The following UNC5D variants were observed in gnomAD, a reference collection of about 807,000 sequenced individuals.
The protein encoded by UNC5D is netrin receptor UNC5D.
Under a neutral mutation model 105.4 loss-of-function variants are expected in UNC5D, and 39 were observed. The ratio of observed to expected loss-of-function variants is 0.37; its 90% CI spans 0.29 to 0.48. UNC5D has a LOEUF of 0.48. Among genes scored for constraint, UNC5D ranks in the 20% least tolerant of loss-of-function variants. UNC5D has a pLI of 0.98. For synonymous variants in UNC5D, 452 were observed against 450.4 expected, an observed-to-expected ratio of 1.00 and a Z score of -0.04; for missense variants, 991 against 1,202.4, an observed-to-expected ratio of 0.82 and a Z score of 2.60.
chr8:35,422,569 C>A (rs1400698974), intron 1 of UNC5D, among the ~76,000 whole-genome samples: 2 of 152,184 alleles, frequency 1.3e-5, no homozygotes, highest in African/African-American at 4.8e-5. Context: ...GCTAAAATTC[C>A]ATTTCTCTAC....
chr8:35,574,538 T>C (rs912810500), intron 3 of UNC5D, among the ~76,000 whole-genome samples: 1 of 152,174 alleles, frequency 6.6e-6, no homozygotes, highest in Non-Finnish European at 1.5e-5. Flanking sequence ...AAAGAAGTAT[T>C]ATTTTCATTT....
chr8:35,454,097 C>T (rs902193035), intron 1 of UNC5D, among the ~76,000 whole-genome samples: 7 of 152,166 alleles, frequency 4.6e-5, no homozygotes, highest in African/African-American at 1.4e-4. Context: ...AACGTGTAAT[C>T]TACCAACCTG....
At chr8:35,723,557 A>C (rs1321007910) in intron 9 of UNC5D, among the ~76,000 whole-genome samples, 1 of 152,002 alleles carries the variant, frequency 6.6e-6, no homozygotes, top group African/African-American at 2.4e-5. Flanking sequence ...CACCACACCA[A>C]GCTAAGTTTT....
Position 35,767,010 on chromosome 8 carries a change from A to T in UNC5D, c.2422A>T (p.Ile808Phe). 6.2e-7 allele frequency: 1 copy of T among 1,614,036 alleles called. No individual in the cohort carries two copies. The highest frequency in any genetic ancestry group is 8.5e-7 in the Non-Finnish European group (1 of 1,179,946). Residue 808 changes from isoleucine (I) to phenylalanine (F), a missense_variant, in exon 15 of 17, where the codon ATT becomes TTT. Around this residue, in one of 3 missense-constraint regions of UNC5D, gnomAD observed 944 missense variants for 1,131.6 expected, o/e 0.83. Coordinates refer to ENST00000404895, the MANE Select transcript of UNC5D (RefSeq NM_080872.4). ...CACCCAGCTGTCCTGCAAAATCTGC[A>T]TTCGGCAGCTCAAAGGCCATGAACA... The part of the protein sequence containing the change: ...TTTQLSCKIC[I>F]RQLKGHEQIL...
In UNC5D at chr8:35,269,795, G is replaced by C. The variant is rs77691490; in HGVS notation, c.103+33908G>C. ...TGACCCAGTGAAGCAGGTCCTTTAG[G>C]AGACTATGTTTACAGGGATTAAGCA... On this transcript the variant is annotated intron_variant, in intron 1 of 16. Transcript: ENST00000404895. 7.2e-5 allele frequency among the ~76,000 whole-genome samples: 11 copies of C among 152,148 alleles called. No homozygotes were observed. In the East Asian group the frequency reaches 2.1e-3, roughly 30 times the overall value.
At chr8:35,329,885 C>T (rs572597932) in intron 1 of UNC5D, among the ~76,000 whole-genome samples, 2 of 152,236 alleles carry the variant, frequency 1.3e-5, no homozygotes, top group African/African-American at 4.8e-5. Flanking sequence ...ATGGGCAATG[C>T]TTTATTCAAC....
chr8:35,381,941 A>G (rs2128933115), intron 1 of UNC5D, among the ~76,000 whole-genome samples: 1 of 152,222 alleles, frequency 6.6e-6, no homozygotes, highest in East Asian at 1.9e-4. Context: ...ATTAACTTAA[A>G]AAGTGAGAAG....
chr8:35,459,879 C>T (rs879395356), intron 1 of UNC5D, among the ~76,000 whole-genome samples: 2 of 152,122 alleles, frequency 1.3e-5, no homozygotes, highest in Non-Finnish European at 2.9e-5. Context: ...AACTGAAAAA[C>T]ATTTGCATGA....
At chr8:35,575,856 C>G (rs1818052969) in intron 3 of UNC5D, among the ~76,000 whole-genome samples, 1 of 151,990 alleles carries the variant, frequency 6.6e-6, no homozygotes, top group South Asian at 2.1e-4. Context: ...GTGCATCTAG[C>G]CAAGTAATCG....
intron 4 of UNC5D, among the ~76,000 whole-genome samples, chr8:35,644,752 T>C (rs894230168): frequency 2.0e-5 from 3 of 152,264 alleles, no homozygotes; most frequent in Admixed American, 2.0e-4. Context: ...GAAAGTTCTT[T>C]TCTGATCATC....
intron 1 of UNC5D, among the ~76,000 whole-genome samples, chr8:35,524,649 A>AG (rs1430166301): frequency 1.6e-4 from 24 of 147,258 alleles, no homozygotes; most frequent in African/African-American, 6.1e-4. Context: ...GCAAAAAAAA[A>AG]AAAAAAGAAA....
chr8:35,664,993 C>G (rs1416127757), intron 4 of UNC5D, among the ~76,000 whole-genome samples: 4 of 151,962 alleles, frequency 2.6e-5, no homozygotes, highest in Non-Finnish European at 5.9e-5. Flanking sequence ...ACCACCATGC[C>G]CAGCTAATTT....
At chr8:35,243,481 G>A (rs1469037542) in intron 1 of UNC5D, among the ~76,000 whole-genome samples, 1 of 152,120 alleles carries the variant, frequency 6.6e-6, no homozygotes, top group East Asian at 1.9e-4. Context: ...GACTCACCCA[G>A]AATTTTACCA....
chr8:35,596,494 T>C (rs1396009069), intron 4 of UNC5D, among the ~76,000 whole-genome samples: 1 of 152,136 alleles, frequency 6.6e-6, no homozygotes, highest in Admixed American at 6.5e-5. Flanking sequence ...CTCAGTTAAT[T>C]TATAAAGTTT....
intron 3 of UNC5D, among the ~76,000 whole-genome samples, chr8:35,592,474 G>A (rs141907697): frequency 4.6e-5 from 7 of 152,156 alleles, no homozygotes; most frequent in African/African-American, 1.7e-4. Context: ...TGATTAAAGT[G>A]TTCAGATTGC....
intron 8 of UNC5D, among the ~76,000 whole-genome samples, chr8:35,712,275 A>G (rs1360287234): frequency 1.3e-5 from 2 of 152,228 alleles, no homozygotes; most frequent in Non-Finnish European, 2.9e-5. Context: ...CATTTCAAAA[A>G]GAAAGAAAAT....
chr8:35,250,406 A>C (rs1803614385), intron 1 of UNC5D, among the ~76,000 whole-genome samples: 1 of 152,202 alleles, frequency 6.6e-6, no homozygotes, highest in Non-Finnish European at 1.5e-5. Context: ...GTGCATGTGC[A>C]GGCTTGTTAC....
At position 35,605,974 on chromosome 8, in the gene UNC5D, C is replaced by CT. The variant is rs542599464; in HGVS notation, c.570+10326dup. Among the ~76,000 whole-genome samples the CT allele has an allele frequency of 7.5e-3, 1,131 of 150,544 alleles. 22 individuals are homozygous for CT. Among genetic ancestry groups the CT allele is most frequent in the African/African-American group, 0.025 (1,014 of 41,044 alleles). On this transcript the variant is annotated intron_variant, in intron 4 of 16. Coordinates refer to ENST00000404895, the MANE Select transcript of UNC5D (RefSeq NM_080872.4). ...CTCCTGTACCTTCCCCCTCAGTTTC[C>CT]TTTTTTTTTATTTATTTTTTATTTT...
intron 4 of UNC5D, among the ~76,000 whole-genome samples, chr8:35,634,842 C>T (rs535737677): frequency 1.5e-4 from 22 of 151,572 alleles, no homozygotes; most frequent in Admixed American, 1.2e-3. Context: ...TCTTGGCTCA[C>T]GGCAACCTCC....
Sources: gnomAD v4.1 joint callset for allele counts (sites outside exome capture counted in the v4.1 genomes callset) on GRCh38, gnomAD v4.1.1 for gene constraint, gnomAD v4.1.1 regional missense constraint, MANE v1.5 for transcripts, NCBI Gene and HGNC (gene_info 2026-07-23, HGNC 2026-07-21) for gene names.